FER: variants seen among roughly 807,000 people sequenced by gnomAD.
FER encodes FER tyrosine kinase.
Under a neutral mutation model 111.0 loss-of-function variants are expected in FER, and 63 were observed. That is an observed-to-expected ratio of 0.57 (90% CI 0.46 to 0.70). The LOEUF (loss-of-function observed/expected upper bound fraction) is 0.70. Among genes scored for constraint, FER ranks in the 30% least tolerant of loss-of-function variants. The pLI is 0.00. For missense variants in FER, 914 were observed against 954.0 expected, an observed-to-expected ratio of 0.96 and a Z score of 0.55; for synonymous variants, 327 against 313.9, an observed-to-expected ratio of 1.04 and a Z score of -0.44.
chr5:109,146,083 A>G (rs1754073433), intron 17 of FER, among the ~76,000 whole-genome samples: 2 of 150,592 alleles, frequency 1.3e-5, no homozygotes, highest in Admixed American at 1.3e-4. Flanking sequence ...TTTCTCAATG[A>G]AATTAAGATA....
chr5:109,135,068 C>A (rs1443608469), intron 17 of FER, among the ~76,000 whole-genome samples: 1 of 152,074 alleles, frequency 6.6e-6, no homozygotes, highest in Non-Finnish European at 1.5e-5. Context: ...TAGGAAGGAG[C>A]ATACTAAGCA....
intron 5 of FER, among the ~76,000 whole-genome samples, chr5:108,845,253 C>A (rs1761918766): frequency 6.6e-6 from 1 of 150,776 alleles, no homozygotes; most frequent in African/African-American, 2.4e-5. Flanking sequence ...GTCACTGTAA[C>A]CTCTGTCTCT....
At chr5:109,061,668 T>G (rs79349221) in intron 16 of FER, among the ~76,000 whole-genome samples, 16,207 of 152,242 alleles carry the variant, frequency 0.11, 886 homozygotes, top group Non-Finnish European at 0.13. Context: ...ACCTTGTGCA[T>G]AGATAAATAA....
intron 16 of FER, among the ~76,000 whole-genome samples, chr5:109,091,192 A>G (rs1157575395): frequency 6.6e-6 from 1 of 152,210 alleles, no homozygotes; most frequent in Non-Finnish European, 1.5e-5. Context: ...CTCCCATCAT[A>G]GGCCCATATT....
chr5:108,865,163 A>G (rs1188431215), intron 5 of FER, among the ~76,000 whole-genome samples: 2 of 151,948 alleles, frequency 1.3e-5, no homozygotes, highest in Non-Finnish European at 2.9e-5. Flanking sequence ...TCTGTCTGTT[A>G]TTGGTGTATA....
intron 17 of FER, among the ~76,000 whole-genome samples, chr5:109,129,363 T>C (rs1433504729): frequency 6.6e-6 from 1 of 152,028 alleles, no homozygotes; most frequent in African/African-American, 2.4e-5. Context: ...TTCTAAAACT[T>C]TTCATATCTA....
rs1759637441 is a variant in FER at position 109,194,972 on chromosome 5, G to A, written c.*7397G>A. The stretch of plus-strand genomic sequence containing the variant: ...GCCTTAGAGGCCGAGAGGGAATCTG[G>A]AATCTGGTATTACTGAGATCCTAGG... On this transcript the variant is annotated 3_prime_UTR_variant, in exon 20 of 20. Coordinates refer to ENST00000281092, the MANE Select transcript of FER (RefSeq NM_005246.4). 6.6e-6 allele frequency: 1 copy of A among 152,186 alleles called. No homozygotes were observed. The highest frequency in any genetic ancestry group is 1.5e-5 in the Non-Finnish European group (1 of 68,050). The allele number at this position is 152,186 out of a possible 1,614,324, so 9.4% of individuals were successfully genotyped here.
At chr5:109,029,276 T>C (rs954939706) in intron 13 of FER, among the ~76,000 whole-genome samples, 3 of 150,822 alleles carry the variant, frequency 2.0e-5, no homozygotes, top group Non-Finnish European at 4.4e-5. Context: ...CTTTAAGTTT[T>C]AGGGTACATG....
intron 13 of FER, among the ~76,000 whole-genome samples, chr5:109,000,990 G>T (rs1304540644): frequency 6.6e-6 from 1 of 152,080 alleles, no homozygotes; most frequent in Non-Finnish European, 1.5e-5. Context: ...AATAACAGGA[G>T]CTGAAATTGT....
chr5:108,918,839 A>G (rs1296409188), intron 10 of FER, among the ~76,000 whole-genome samples: 3 of 152,114 alleles, frequency 2.0e-5, no homozygotes, highest in Admixed American at 6.5e-5. Context: ...TCTCTCAGCT[A>G]AAGTTTGGAT....
At chr5:108,844,988 GTGTGTGTGTATATA>G (rs1761729526) in intron 5 of FER, among the ~76,000 whole-genome samples, 3 of 31,748 alleles carry the variant, frequency 9.4e-5, no homozygotes, top group African/African-American at 3.3e-4. Flanking sequence ...TTGCTGGTGT[GTGTGTGTGTATATA>G]TATATATATA....
chr5:109,030,368 G>A (rs1471566702), intron 13 of FER, among the ~76,000 whole-genome samples: 1 of 152,076 alleles, frequency 6.6e-6, no homozygotes, highest in African/African-American at 2.4e-5. Flanking sequence ...TGATATGATG[G>A]ATGATTTTTA....
chr5:108,833,962 G>A (rs111741776), intron 4 of FER, among the ~76,000 whole-genome samples: 83 of 151,402 alleles, frequency 5.5e-4, no homozygotes, highest in African/African-American at 1.6e-3. Flanking sequence ...TTGTTGAAAT[G>A]CTTGTTGTTT....
chr5:109,166,964 A>AG (rs5870349), intron 17 of FER, among the ~76,000 whole-genome samples: 56,083 of 151,898 alleles, frequency 0.37, 10,604 homozygotes, highest in Non-Finnish European at 0.4. Context: ...TAGATACAAA[A>AG]GGGTAGAGAA....
chr5:108,991,417 T>C (rs1024665645), intron 13 of FER, among the ~76,000 whole-genome samples: 3 of 152,020 alleles, frequency 2.0e-5, no homozygotes, highest in Admixed American at 2.0e-4. Context: ...TTTTTAACAC[T>C]CAAATTACTG....
Position 109,113,802 on chromosome 5 carries a change from T to C in FER, c.2048+13283T>C, listed in dbSNP as rs535616511. On this transcript the variant is annotated intron_variant, in intron 17 of 19. Coordinates refer to ENST00000281092, the MANE Select transcript of FER (RefSeq NM_005246.4). ...ACAAAGTATGTTTTACCTTTATAAA[T>C]GCTTACTCATGGATAATGATATTTA... Among the ~76,000 whole-genome samples the C allele has an allele frequency of 2.0e-5, 3 of 152,288 alleles. No homozygotes were observed. In the South Asian group the frequency reaches 6.2e-4, roughly 32 times the overall value.
In FER at chr5:109,190,987, C is replaced by T. The variant is rs1215666633; in HGVS notation, c.*3412C>T. The T allele has an allele frequency of 1.3e-5, 2 of 151,978 alleles. No homozygotes were observed. Among genetic ancestry groups the T allele is most frequent in the African/African-American group, 2.4e-5 (1 of 41,388 alleles). 9.4% of individuals were successfully genotyped at this position (151,978 alleles called of 1,614,324 possible). On this transcript the variant is annotated 3_prime_UTR_variant, in exon 20 of 20. Coordinates refer to ENST00000281092, the MANE Select transcript of FER (RefSeq NM_005246.4). ...TTAAACCATAATTTGGTTTTTCTAT[C>T]TATATTATATTCAGTTCAGTTTTCC...
chr5:109,118,400 C>T (rs905316776), intron 17 of FER, among the ~76,000 whole-genome samples: 1 of 152,144 alleles, frequency 6.6e-6, no homozygotes, highest in Non-Finnish European at 1.5e-5. Context: ...CTGCTGGATT[C>T]GGCTTGCCAG....
intron 13 of FER, among the ~76,000 whole-genome samples, chr5:109,037,026 AT>A (rs1446481623): frequency 6.6e-6 from 1 of 152,088 alleles, no homozygotes; most frequent in Non-Finnish European, 1.5e-5. Flanking sequence ...TAGAAAAACA[AT>A]TTCTAAGATT....
Sources: gnomAD v4.1 joint callset for allele counts (sites outside exome capture counted in the v4.1 genomes callset) on GRCh38, gnomAD v4.1.1 for gene constraint, MANE v1.5 for transcripts, NCBI Gene and HGNC (gene_info 2026-07-23, HGNC 2026-07-21) for gene names.